Variants in TMCO5A observed in about 807,000 individuals in gnomAD.
TMCO5A encodes transmembrane and coiled-coil domains 5A.
A neutral mutation model predicts 42.3 loss-of-function variants in TMCO5A; 34 were observed. The ratio of observed to expected loss-of-function variants is 0.80; its 90% CI spans 0.61 to 1.07. The LOEUF is 1.07. Among genes scored for constraint, TMCO5A ranks in the 50% least tolerant of loss-of-function variants. The pLI is 0.00. For synonymous variants in TMCO5A, 131 were observed against 115.6 expected, an observed-to-expected ratio of 1.13 and a Z score of -0.86; for missense variants, 357 against 327.9, an observed-to-expected ratio of 1.09 and a Z score of -0.69.
At chr15:38,029,067 T>C in the TMCO5A span, among the ~76,000 whole-genome samples, 1 of 152,266 alleles carries the variant, frequency 6.6e-6, no homozygotes, top group East Asian at 1.9e-4. Context: ...TAGCAGTTTC[T>C]GTAGGAGGCA....
chr15:37,936,823 A>G, intron 3 of TMCO5A, 24 bp from the exon 4 acceptor site: 2 of 1,609,992 alleles, frequency 1.2e-6, no homozygotes, highest in Non-Finnish European at 1.7e-6. Context: ...ATGGGTCCTC[A>G]TGGCATGTGC....
intron 11 of TMCO5A, among the ~76,000 whole-genome samples, chr15:37,958,614 AAAC>A (rs1357882926): frequency 6.6e-6 from 1 of 152,156 alleles, no homozygotes; most frequent in African/African-American, 2.4e-5. Flanking sequence ...AAAAGTCAGG[AAAC>A]AACAGATGCT....
At chr15:37,972,060 C>G (rs1890683598), downstream of TMCO5A, among the ~76,000 whole-genome samples, 1 of 152,160 alleles carries the variant, frequency 6.6e-6, no homozygotes, top group Admixed American at 6.6e-5. Context: ...CTGTATTAGT[C>G]TGTTTTCACA....
chr15:38,005,697 G>A, the TMCO5A span, among the ~76,000 whole-genome samples: 1 of 152,162 alleles, frequency 6.6e-6, no homozygotes, highest in Admixed American at 6.5e-5. Context: ...GTGATTTAGA[G>A]CAGTGTGAGG....
chr15:38,013,359 C>G, the TMCO5A span, among the ~76,000 whole-genome samples: 156 of 152,200 alleles, frequency 1.0e-3, 2 homozygotes, highest in East Asian at 0.016. Context: ...TCCCTCCCCC[C>G]CTCTAGTGTT....
chr15:37,950,541 A>G (rs1423822226), intron 11 of TMCO5A, among the ~76,000 whole-genome samples: 2 of 152,174 alleles, frequency 1.3e-5, no homozygotes, highest in Non-Finnish European at 2.9e-5. Flanking sequence ...GGCAAGAAGA[A>G]ACACATAAAA....
downstream of TMCO5A, among the ~76,000 whole-genome samples, chr15:37,953,499 C>T (rs1399572526): frequency 2.0e-5 from 3 of 152,124 alleles, no homozygotes; most frequent in Non-Finnish European, 2.9e-5. Flanking sequence ...GCAAGAACCA[C>T]AGTATTACTG....
chr15:38,000,218 G>T, the TMCO5A span, among the ~76,000 whole-genome samples: 1 of 152,048 alleles, frequency 6.6e-6, no homozygotes, highest in Admixed American at 6.6e-5. Context: ...GTCTGTTCAG[G>T]TTTTGAATTT....
chr15:38,028,582 G>T, the TMCO5A span, among the ~76,000 whole-genome samples: 3 of 152,260 alleles, frequency 2.0e-5, no homozygotes, highest in South Asian at 6.2e-4. Context: ...TCCATGAAAT[G>T]TCTCAAACAC....
chr15:38,029,255 G>T, the TMCO5A span, among the ~76,000 whole-genome samples: 2 of 151,842 alleles, frequency 1.3e-5, no homozygotes, highest in African/African-American at 4.8e-5. Flanking sequence ...TGTCATTTAG[G>T]GCTGCTATTA....
At chr15:37,968,107 C>A (rs932090135), downstream of TMCO5A, among the ~76,000 whole-genome samples, 2 of 152,202 alleles carry the variant, frequency 1.3e-5, no homozygotes, top group Non-Finnish European at 2.9e-5. Context: ...TTCTTCAGTG[C>A]TAAGTGCAGA....
At chr15:37,966,273 A>G (rs1478346692) in intron 11 of TMCO5A, among the ~76,000 whole-genome samples, 1 of 151,704 alleles carries the variant, frequency 6.6e-6, no homozygotes, top group Non-Finnish European at 1.5e-5. Context: ...CAGGGAGGTG[A>G]GAATGCTTAG....
the TMCO5A span, among the ~76,000 whole-genome samples, chr15:38,038,665 CA>C: frequency 6.6e-6 from 1 of 152,120 alleles, no homozygotes; most frequent in African/African-American, 2.4e-5. Flanking sequence ...CTCGGCCTCC[CA>C]AAGTGCTGGG....
At chr15:37,962,926 T>C (rs1164798140) in intron 11 of TMCO5A, among the ~76,000 whole-genome samples, 13 of 152,276 alleles carry the variant, frequency 8.5e-5, no homozygotes, top group Admixed American at 7.9e-4. Context: ...TTGGATTTTC[T>C]CTCTTGTTTT....
At position 37,941,438 on chromosome 15, in the gene TMCO5A, T is replaced by A. The variant is rs553466930; in HGVS notation, c.444+233T>A. Among the ~76,000 whole-genome samples the A allele has an allele frequency of 3.9e-5, 6 of 152,194 alleles. 1 individual carries two copies. In the Middle Eastern group the frequency reaches 0.017, roughly 431 times the overall value. On this transcript the variant is annotated intron_variant, in intron 7 of 11. Transcript: ENST00000319669. ...GTTTGTATCTCGCAAATATTAGTTATCTATCTATTCCTCTCCCAACTGCCC... is the reference window on the plus strand; with the variant it reads ...GTTTGTATCTCGCAAATATTAGTTAACTATCTATTCCTCTCCCAACTGCCC...
exon 12 of TMCO5A, chr15:37,967,537 A>G (rs1890584146): frequency 1.3e-5 from 2 of 152,200 alleles, no homozygotes; most frequent in African/African-American, 4.8e-5. Flanking sequence ...CTAAGGAGGA[A>G]GCATAGAGAG....
Position 37,942,263 on chromosome 15 carries a change from T to C in TMCO5A, c.569+8T>C. On this transcript the variant is annotated splice_region_variant and intron_variant, in intron 9 of 11. Transcript: ENST00000319669. Reference sequence around the variant, plus strand: ...GTTCCTTGAGAGAGAAGTGTGAGCTTTGGCAAAGGAACATCCTGGTTTTGG... The same window carrying C: ...GTTCCTTGAGAGAGAAGTGTGAGCTCTGGCAAAGGAACATCCTGGTTTTGG... 6.2e-7 allele frequency: 1 copy of C among 1,612,226 alleles called. No homozygotes were observed. Among genetic ancestry groups the C allele is most frequent in the Admixed American group, 1.7e-5 (1 of 59,790 alleles).
chr15:37,965,925 A>AC (rs1390306956), intron 11 of TMCO5A, among the ~76,000 whole-genome samples: 1 of 152,180 alleles, frequency 6.6e-6, no homozygotes, highest in Non-Finnish European at 1.5e-5. Context: ...AAACAAAGGA[A>AC]ATCAGTACAT....
intron 6 of TMCO5A, among the ~76,000 whole-genome samples, chr15:37,939,786 G>A (rs922374221): frequency 6.6e-6 from 1 of 151,982 alleles, no homozygotes; most frequent in Admixed American, 6.6e-5. Flanking sequence ...TTAATGGGGT[G>A]CCTAATTCAA....
Sources: allele counts gnomAD v4.1 joint callset (sites outside exome capture counted in the v4.1 genomes callset), GRCh38; gene constraint gnomAD v4.1.1; transcripts MANE v1.5; gene names NCBI Gene and HGNC (gene_info 2026-07-23, HGNC 2026-07-21).